Variants in KCNU1 observed in about 807,000 individuals in gnomAD.
The protein encoded by KCNU1 is potassium channel subfamily U member 1.
In KCNU1, 93 loss-of-function variants were observed where a neutral mutation model predicts 126.8. The observed-to-expected ratio is 0.73, with a 90% CI of 0.62 to 0.87. The LOEUF is 0.87. Among genes scored for constraint, KCNU1 ranks in the 40% least tolerant of loss-of-function variants. The pLI, the probability that KCNU1 is intolerant of heterozygous loss-of-function variation, is 0.00. For synonymous variants in KCNU1, 523 were observed against 494.2 expected (o/e 1.06, Z -0.77); for missense variants, 1,330 against 1,367.1 (o/e 0.97, Z 0.43).
chr8:36,885,347 G>C (rs1806655392), intron 19 of KCNU1, among the ~76,000 whole-genome samples: 1 of 152,156 alleles, frequency 6.6e-6, no homozygotes, highest in South Asian at 2.1e-4. Context: ...CTGAGGTCAG[G>C]AGTTGAAGAC....
At position 36,935,389 on chromosome 8, in the gene KCNU1, A is replaced by T. The variant is rs1011958815; in HGVS notation, c.3045-126A>T. The T allele has an allele frequency of 2.2e-5, 16 of 712,746 alleles. No homozygotes were observed. In the Admixed American group the frequency reaches 3.9e-4, roughly 18 times the overall value. 44.2% of individuals were successfully genotyped at this position (712,746 alleles called of 1,614,324 possible). A position where few individuals can be genotyped will look rare whatever the true frequency, so the allele number is the denominator to read the frequency against. ...ATTTACTATTAATCAGAAACCCATG[A>T]AGCAAAACAAAACAAAAACGTTTCC... On this transcript the variant is annotated intron_variant, in intron 26 of 26. Transcript: ENST00000399881.
chr8:36,863,641 G>C (rs371115516), intron 18 of KCNU1, among the ~76,000 whole-genome samples: 23 of 152,268 alleles, frequency 1.5e-4, no homozygotes, highest in African/African-American at 5.1e-4. Context: ...CCAGAGGGTT[G>C]GAAATGATTC....
chr8:36,883,272 A>C (rs973688788), intron 19 of KCNU1, among the ~76,000 whole-genome samples: 1 of 152,212 alleles, frequency 6.6e-6, no homozygotes, highest in African/African-American at 2.4e-5. Context: ...TTTAAAGAAG[A>C]GACACGTGGC....
intron 16 of KCNU1, 31 bp downstream of exon 16, chr8:36,841,034 G>GTTTTTTTTTTTTTTTTTTTTTTTTT: frequency 1.8e-6 from 1 of 562,564 alleles, no homozygotes. Context: ...CTCTTCAGTT[G>GTTTTTTTTTTTTTTTTTTTTTTTTT]TTTTTTTTTT....
intron 18 of KCNU1, among the ~76,000 whole-genome samples, chr8:36,858,555 G>T (rs1473780270): frequency 6.6e-6 from 1 of 152,044 alleles, no homozygotes; most frequent in Non-Finnish European, 1.5e-5. Context: ...TAAACACAGT[G>T]TACAAACCAA....
intron 21 of KCNU1, 78 bp downstream of exon 21, chr8:36,909,613 T>C: frequency 2.3e-6 from 2 of 864,954 alleles, no homozygotes; most frequent in Admixed American, 2.1e-5. Context: ...ATGATAATAT[T>C]GCAGTTCTAC....
At chr8:36,815,807 T>C (rs1803889239) in intron 9 of KCNU1, 120 bp downstream of exon 9, 2 of 610,678 alleles carry the variant, frequency 3.3e-6, no homozygotes, top group Non-Finnish European at 5.8e-6. Flanking sequence ...ATCAGCAACA[T>C]CCCGTATTCA....
intron 19 of KCNU1, among the ~76,000 whole-genome samples, chr8:36,886,988 T>TA (rs1440422249): frequency 6.6e-6 from 1 of 152,202 alleles, no homozygotes; most frequent in Non-Finnish European, 1.5e-5. Context: ...TTGTTTTTTT[T>TA]ATGGCTGTGT....
At chr8:36,821,898 A>T (rs1804141759) in intron 10 of KCNU1, among the ~76,000 whole-genome samples, 1 of 152,136 alleles carries the variant, frequency 6.6e-6, no homozygotes, top group Non-Finnish European at 1.5e-5. Flanking sequence ...TGTTCTGAGC[A>T]TCTTTGAGGT....
At position 36,836,283 on chromosome 8, in the gene KCNU1, G is replaced by A. The variant is rs1473619557; in HGVS notation, c.1296-13G>A. On this transcript the variant is annotated splice_polypyrimidine_tract_variant and intron_variant, in intron 12 of 26. Transcript: ENST00000399881. ...TGACACATGACTAATGAGAGTGTTTGGGGTTTATATAGGGTGCTCTCTATC... is the reference window on the plus strand; with the variant it reads ...TGACACATGACTAATGAGAGTGTTTAGGGTTTATATAGGGTGCTCTCTATC... 6.4e-7 allele frequency: 1 copy of A among 1,565,240 alleles called. No individual in the cohort carries two copies. The highest frequency in any genetic ancestry group is 1.1e-5 in the South Asian group (1 of 89,938).
chr8:36,818,206 C>T (rs1276453004), intron 10 of KCNU1, among the ~76,000 whole-genome samples: 1 of 152,136 alleles, frequency 6.6e-6, no homozygotes, highest in Non-Finnish European at 1.5e-5. Flanking sequence ...TTGTCAAGCA[C>T]TAGGAAATAC....
intron 10 of KCNU1, among the ~76,000 whole-genome samples, chr8:36,832,220 C>T (rs1449830218): frequency 6.6e-6 from 1 of 152,142 alleles, no homozygotes; most frequent in African/African-American, 2.4e-5. Flanking sequence ...GTTCTTTTGG[C>T]TCATGATTGA....
At chr8:36,854,252 T>C (rs1009763977) in intron 18 of KCNU1, among the ~76,000 whole-genome samples, 6 of 151,960 alleles carry the variant, frequency 3.9e-5, no homozygotes, top group Admixed American at 2.6e-4. Flanking sequence ...TTGTGTAGAT[T>C]AATGTTTTTC....
At chr8:36,842,220 G>A (rs1804982526) in intron 16 of KCNU1, among the ~76,000 whole-genome samples, 1 of 152,154 alleles carries the variant, frequency 6.6e-6, no homozygotes, top group Non-Finnish European at 1.5e-5. Flanking sequence ...GACATTACCA[G>A]AAATTGTAAA....
intron 18 of KCNU1, among the ~76,000 whole-genome samples, chr8:36,848,792 T>C (rs1046466008): frequency 6.6e-6 from 1 of 151,936 alleles, no homozygotes; most frequent in African/African-American, 2.4e-5. Flanking sequence ...GGGAAGCATC[T>C]CTCTCATTTT....
chr8:36,925,260 G>A (rs959287356), intron 24 of KCNU1, among the ~76,000 whole-genome samples: 11 of 152,118 alleles, frequency 7.2e-5, no homozygotes, highest in Non-Finnish European at 8.8e-5. Flanking sequence ...CATCAGCTTC[G>A]CCTTCAGAAC....
intron 3 of KCNU1, among the ~76,000 whole-genome samples, chr8:36,804,405 A>G (rs528556867): frequency 2.7e-4 from 41 of 152,210 alleles, no homozygotes; most frequent in Admixed American, 2.4e-3. Flanking sequence ...TAGGCCACTC[A>G]TGAAGGTTTT....
At chr8:36,842,346 T>G (rs145996654) in intron 16 of KCNU1, among the ~76,000 whole-genome samples, 1 of 152,312 alleles carries the variant, frequency 6.6e-6, no homozygotes, top group Non-Finnish European at 1.5e-5. Flanking sequence ...GTTGACAGGA[T>G]ATAGAAAGCA....
At chr8:36,791,102 C>T (rs540947371) in intron 2 of KCNU1, among the ~76,000 whole-genome samples, 1 of 151,818 alleles carries the variant, frequency 6.6e-6, no homozygotes, top group South Asian at 2.1e-4. Context: ...AAAAGCATGT[C>T]CTCTAGAGGT....
Sources: gnomAD v4.1 joint callset for allele counts (sites outside exome capture counted in the v4.1 genomes callset) on GRCh38, gnomAD v4.1.1 for gene constraint, MANE v1.5 for transcripts, NCBI Gene and HGNC (gene_info 2026-07-23, HGNC 2026-07-21) for gene names.